Variants in ERN1 observed in about 807,000 individuals in gnomAD.
The protein encoded by ERN1 is serine/threonine-protein kinase/endoribonuclease IRE1.
ERN1 carries 39 observed loss-of-function variants against 113.1 expected under a neutral mutation model. That is an observed-to-expected ratio of 0.34 (90% CI 0.27 to 0.45). The LOEUF is 0.45. Ranked by LOEUF, ERN1 falls within the 20% of genes least tolerant of loss-of-function variation. ERN1 has a pLI of 1.00. For missense variants in ERN1, 976 were observed against 1,274.8 expected (o/e 0.77, Z 3.57); for synonymous variants, 507 against 515.9 (o/e 0.98, Z 0.23).
intron 2 of ERN1, among the ~76,000 whole-genome samples, chr17:64,086,084 A>G (rs908187085): frequency 2.0e-5 from 3 of 152,194 alleles, no homozygotes; most frequent in Admixed American, 2.0e-4. Context: ...CCTGTCTCCA[A>G]GGATCTTCAA....
At position 64,065,211 on chromosome 17, in the gene ERN1, C is replaced by T. The variant is rs369579513; in HGVS notation, c.919G>A (p.Val307Met). 22 of 1,605,502 alleles carry T rather than the reference C, an allele frequency of 1.4e-5. No individual in the cohort carries two copies. Among genetic ancestry groups the T allele is most frequent in the African/African-American group, 1.3e-4 (10 of 74,814 alleles). The change falls in exon 9 of 22, where the codon GTG (valine) becomes ATG (methionine). Residue 307 changes from valine (V) to methionine (M), a missense_variant and splice_region_variant. By Grantham distance (21) the Val-to-Met change is conservative. Transcript: ENST00000433197. ...CGAGCCCTCCGTAGTGGACTTACCACGACAGCAACCCCCTCGTGTACCATT... is the reference window on the plus strand; with the variant it reads ...CGAGCCCTCCGTAGTGGACTTACCATGACAGCAACCCCCTCGTGTACCATT... ...PSMVHEGVAV[V>M]PRGSTLPLLE...
Position 64,055,747 on chromosome 17 carries a change from T to C in ERN1, c.1600A>G (p.Asn534Asp), listed in dbSNP as rs1471891272. 4.3e-6 allele frequency: 7 copies of C among 1,611,668 alleles called. No homozygotes were observed. Among genetic ancestry groups the C allele is most frequent in the Non-Finnish European group, 5.9e-6 (7 of 1,179,210 alleles). ...SSPSTSPRAS[N>D]HSLCSGSSAS... ...GAGCTGCCGGAGCAGAGCGAGTGGT[T>C]GGAGGCCCTGGGGGACGTGCTGGGG... The change falls in exon 13 of 22, where the codon AAC becomes GAC. Residue 534 changes from asparagine (N) to aspartate (D), a missense_variant. Physicochemically the swap from Asn to Asp is conservative, Grantham distance 23. This residue lies in a region of ERN1 where 112 missense variants were observed against 106.2 expected (regional missense o/e 1.05). Transcript: ENST00000433197.
chr17:64,066,869 T>A lies in ERN1; in HGVS notation c.644A>T (p.Asp215Val), dbSNP rs1460253443. 1.9e-6 allele frequency: 3 copies of A among 1,613,816 alleles called. No homozygotes were observed. Among genetic ancestry groups the A allele is most frequent in the Non-Finnish European group, 2.5e-6 (3 of 1,179,838 alleles). ...GGCGTAGTTTTGGATCCACAGGACG[T>A]CCCCAGATTCACTGTCCACAGTCAC... ...LVVTVDSESG[D>V]VLWIQNYASP... The change falls in exon 8 of 22, where the codon GAC (aspartate) becomes GTC (valine). Residue 215 changes from aspartate (D) to valine (V), a missense_variant. Asp to Val is a radical substitution (Grantham distance 152, BLOSUM62 -3). Coordinates refer to ENST00000433197, the MANE Select transcript of ERN1 (RefSeq NM_001433.5).
At position 64,055,655 on chromosome 17, in the gene ERN1, A is replaced by G; in HGVS notation, c.1672+20T>C. ...CTCGAATAAAACATAAAATAGCACCAAGATGGCAACTGGCTTTACCTCCAT... is the reference window on the plus strand; with the variant it reads ...CTCGAATAAAACATAAAATAGCACCGAGATGGCAACTGGCTTTACCTCCAT... On this transcript the variant is annotated intron_variant, in intron 13 of 21. Transcript: ENST00000433197. 2 of 1,548,090 alleles carry G rather than the reference A, an allele frequency of 1.3e-6. No homozygotes were observed. The highest frequency in any genetic ancestry group is 4.5e-5 in the East Asian group (2 of 44,202).
intron 1 of ERN1, among the ~76,000 whole-genome samples, chr17:64,127,182 CAT>C: frequency 6.6e-6 from 1 of 152,290 alleles, no homozygotes; most frequent in Admixed American, 6.5e-5. Flanking sequence ...AGTCTCAACT[CAT>C]AATGAGTCAA....
chr17:64,119,376 G>GTTTTTTTTTT (rs3044073), intron 1 of ERN1, among the ~76,000 whole-genome samples: 2 of 77,906 alleles, frequency 2.6e-5, no homozygotes. Flanking sequence ...TTTTTTCTAG[G>GTTTTTTTTTT]TTTTTTTTTT....
intron 1 of ERN1, 135 bp downstream of exon 1, chr17:64,129,841 G>A (rs973643679): frequency 7.5e-6 from 6 of 797,668 alleles, no homozygotes; most frequent in South Asian, 4.0e-5. Flanking sequence ...AGCCTCCCAC[G>A]GCTGGGCTCA....
At chr17:64,106,888 G>T (rs534418282) in intron 1 of ERN1, among the ~76,000 whole-genome samples, 20 of 152,054 alleles carry the variant, frequency 1.3e-4, no homozygotes, top group African/African-American at 3.6e-4. Context: ...ACCTCAAAAT[G>T]GTATTCTATA....
chr17:64,116,616 G>GA (rs562135528), intron 1 of ERN1, among the ~76,000 whole-genome samples: 11 of 149,816 alleles, frequency 7.3e-5, no homozygotes, highest in East Asian at 1.9e-4. Context: ...TCCTACAATG[G>GA]AAAAAAAATG....
chr17:64,113,493 C>T (rs1914724639), intron 1 of ERN1, among the ~76,000 whole-genome samples: 1 of 151,994 alleles, frequency 6.6e-6, no homozygotes, highest in Admixed American at 6.6e-5. Context: ...TTTTCCAGAG[C>T]ATTTTGCCCT....
chr17:64,089,419 G>C (rs1175045876), intron 2 of ERN1, among the ~76,000 whole-genome samples: 1 of 151,398 alleles, frequency 6.6e-6, no homozygotes, highest in Non-Finnish European at 1.5e-5. Flanking sequence ...TCTGAAGCCT[G>C]AGCGCCAACG....
rs372369870 is a variant in ERN1 at position 64,039,595 on chromosome 17, A to G, written c.*4393T>C. ...AAACAAATCTGATGTGCTTTAAGCAAGTACAATTGTAACTGGATACATTTC... is the reference window on the plus strand; with the variant it reads ...AAACAAATCTGATGTGCTTTAAGCAGGTACAATTGTAACTGGATACATTTC... On this transcript the variant is annotated 3_prime_UTR_variant, in exon 22 of 22. Coordinates refer to ENST00000433197, the MANE Select transcript of ERN1 (RefSeq NM_001433.5). The G allele has an allele frequency of 6.6e-6, 1 of 152,252 alleles. No homozygotes were observed. The highest frequency in any genetic ancestry group is 1.5e-5 in the Non-Finnish European group (1 of 68,050). 9.4% of individuals were successfully genotyped at this position (152,252 alleles called of 1,614,324 possible).
chr17:64,064,046 C>T lies in ERN1; in HGVS notation c.1027G>A (p.Asp343Asn), dbSNP rs766009178. ...TTGTTCTTGCTTTTGAGTCCGGGAT[C>T]AAACTTGACGTCCGTGCTGGGCGTG... The part of the protein sequence containing the change: ...VITPSTDVKF[D>N]PGLKSKNKLN... The change falls in exon 10 of 22, where the codon GAT becomes AAT. Residue 343 changes from aspartate to asparagine, a missense_variant. Transcript: ENST00000433197. 2 of 1,613,948 alleles carry T rather than the reference C, an allele frequency of 1.2e-6. No individual in the cohort carries two copies. The highest frequency in any genetic ancestry group is 1.7e-6 in the Non-Finnish European group (2 of 1,179,868).
Position 64,054,951 on chromosome 17 carries a change from C to A in ERN1, c.1673-123G>T. On this transcript the variant is annotated intron_variant, in intron 13 of 21. Transcript: ENST00000433197. The surrounding 1 kb of genome is among the most constrained non-coding windows in gnomAD (Gnocchi z 4.9). Reference sequence around the variant, plus strand: ...GATGGGATTTAAGAGGCACTGCACCCCAGACTGCTGCTCAGCAAGAGCCTG... The same window carrying A: ...GATGGGATTTAAGAGGCACTGCACCACAGACTGCTGCTCAGCAAGAGCCTG... 1.4e-6 allele frequency: 1 copy of A among 702,412 alleles called. No homozygotes were observed. Among genetic ancestry groups the A allele is most frequent in the Non-Finnish European group, 2.4e-6 (1 of 419,250 alleles). The allele number at this position is 702,412 out of a possible 1,614,324, so 43.5% of individuals were successfully genotyped here.
intron 1 of ERN1, chr17:64,102,963 G>A: frequency 1.0e-6 from 1 of 985,294 alleles, no homozygotes; most frequent in Non-Finnish European, 1.2e-6. Context: ...GTAACCAACA[G>A]TAACTGTGGA....
chr17:64,057,757 G>T lies in ERN1; in HGVS notation c.1398+45C>A, dbSNP rs373134057. The T allele has an allele frequency of 2.6e-5, 40 of 1,555,160 alleles. No homozygotes were observed. In the East Asian group the frequency reaches 3.4e-4, roughly 13 times the overall value. ...CTGACATGAGGCGACAGGCAGAGAA[G>T]CCCCAGAAATAGGTGGATGGCAAAG... On this transcript the variant is annotated intron_variant, in intron 12 of 21. Transcript: ENST00000433197.
At chr17:64,077,487 C>T (rs1913628659) in intron 4 of ERN1, among the ~76,000 whole-genome samples, 1 of 151,942 alleles carries the variant, frequency 6.6e-6, no homozygotes, top group African/African-American at 2.4e-5. Flanking sequence ...AGCAGAGACT[C>T]GTTTTTCCTG....
intron 7 of ERN1, among the ~76,000 whole-genome samples, chr17:64,067,645 C>A (rs1179464385): frequency 6.6e-6 from 1 of 151,742 alleles, no homozygotes; most frequent in Non-Finnish European, 1.5e-5. Context: ...GAAAGTCAGA[C>A]CTGAACCACT....
chr17:64,061,839 T>C (rs1409077746), intron 10 of ERN1, among the ~76,000 whole-genome samples: 1 of 152,262 alleles, frequency 6.6e-6, no homozygotes, highest in African/African-American at 2.4e-5. Context: ...TGCCACGCTG[T>C]GCAGCAGTGT....
Sources: gnomAD v4.1 joint callset for allele counts (sites outside exome capture counted in the v4.1 genomes callset) on GRCh38, gnomAD v4.1.1 for gene constraint, gnomAD v4.1.1 regional missense constraint, Gnocchi (gnomAD v3.1) non-coding constraint, MANE v1.5 for transcripts, NCBI Gene and HGNC (gene_info 2026-07-23, HGNC 2026-07-21) for gene names.